GTF2E2: variants seen among roughly 807,000 people sequenced by gnomAD.
The protein encoded by GTF2E2 is general transcription factor IIE subunit 2.
In GTF2E2, 21 loss-of-function variants were observed where a neutral mutation model predicts 40.5. That is an observed-to-expected ratio of 0.52 (90% CI 0.37 to 0.75). The LOEUF (loss-of-function observed/expected upper bound fraction) is 0.75. Ranked by LOEUF, GTF2E2 falls within the 30% of genes least tolerant of loss-of-function variation. The probability of loss-of-function intolerance (pLI) is 0.00; values close to 1 mark genes in which losing one functional copy is unlikely to be tolerated. For synonymous variants in GTF2E2, 117 were observed against 121.6 expected, an observed-to-expected ratio of 0.96 and a Z score of 0.25; for missense variants, 298 against 338.4, an observed-to-expected ratio of 0.88 and a Z score of 0.94.
At chr8:30,647,007 C>CAAAAAAA (rs1554563128) in intron 2 of GTF2E2, among the ~76,000 whole-genome samples, 1 of 75,064 alleles carries the variant, frequency 1.3e-5, no homozygotes, top group Non-Finnish European at 2.9e-5. Flanking sequence ...AAAAAAAAAG[C>CAAAAAAA]AACCGAAAAG....
chr8:30,580,373 C>A lies in GTF2E2; in HGVS notation c.667G>T (p.Val223Phe). The A allele has an allele frequency of 3.8e-6, 6 of 1,583,094 alleles. No individual in the cohort carries two copies. Among genetic ancestry groups the A allele is most frequent in the Non-Finnish European group, 5.2e-6 (6 of 1,151,690 alleles). The change falls in exon 7 of 8, where the codon GTC (valine) becomes TTC (phenylalanine). Residue 223 changes from valine to phenylalanine, a missense_variant. Coordinates refer to ENST00000355904, the MANE Select transcript of GTF2E2 (RefSeq NM_002095.6). The part of the protein sequence containing the change: ...DEEFQKLWRS[V>F]TVDSMDEEKI... Reference sequence around the variant, plus strand: ...TCCTCGTCCATGGAATCTACAGTGACACTCCTCCACAGTTTCTGAAATTCT... The same window carrying A: ...TCCTCGTCCATGGAATCTACAGTGAAACTCCTCCACAGTTTCTGAAATTCT...
At chr8:30,636,482 T>C (rs1015504579) in intron 2 of GTF2E2, among the ~76,000 whole-genome samples, 2 of 152,252 alleles carry the variant, frequency 1.3e-5, no homozygotes, top group Non-Finnish European at 2.9e-5. Flanking sequence ...GAAGTCTTTA[T>C]TGAGTATCCT....
At chr8:30,643,786 C>T (rs1365482413) in intron 2 of GTF2E2, 9 of 151,428 alleles carry the variant, frequency 5.9e-5, no homozygotes, top group Non-Finnish European at 1.3e-4. Flanking sequence ...ATTTTTGAGG[C>T]CCTGCATCTG....
At chr8:30,641,461 C>T (rs1205073111) in intron 2 of GTF2E2, among the ~76,000 whole-genome samples, 1 of 152,210 alleles carries the variant, frequency 6.6e-6, no homozygotes, top group Admixed American at 6.5e-5. Flanking sequence ...CTCCTAGGCT[C>T]AAGCTATCCC....
intron 3 of GTF2E2, among the ~76,000 whole-genome samples, chr8:30,617,866 C>T (rs920932691): frequency 5.3e-5 from 8 of 151,948 alleles, no homozygotes; most frequent in African/African-American, 1.2e-4. Flanking sequence ...AACTAGAATA[C>T]GGGGAAACGC....
intron 7 of GTF2E2, 140 bp from the exon 8 acceptor site, chr8:30,579,177 C>T (rs1828438413): frequency 1.5e-6 from 1 of 669,472 alleles, no homozygotes; most frequent in African/African-American, 1.8e-5. Flanking sequence ...CCCAGCAGCA[C>T]ACATGGGGCA....
chr8:30,614,744 G>T, intron 3 of GTF2E2, 29 bp from the exon 4 acceptor site: 1 of 1,309,538 alleles, frequency 7.6e-7, no homozygotes, highest in Non-Finnish European at 1.1e-6. Flanking sequence ...GTTATTAGAA[G>T]ACAGTTTCAA....
intron 3 of GTF2E2, among the ~76,000 whole-genome samples, chr8:30,625,578 G>A (rs1207849856): frequency 5.9e-5 from 9 of 151,358 alleles, no homozygotes; most frequent in Non-Finnish European, 1.3e-4. Context: ...GTGCAAGTAG[G>A]GCTATGTTCA....
chr8:30,630,893 C>G (rs889560195), intron 3 of GTF2E2, among the ~76,000 whole-genome samples: 4 of 152,140 alleles, frequency 2.6e-5, no homozygotes, highest in Non-Finnish European at 4.4e-5. Context: ...TTTCCTCTAA[C>G]AACCATTCCC....
chr8:30,634,541 A>C (rs1323252054), intron 3 of GTF2E2, among the ~76,000 whole-genome samples: 3 of 152,242 alleles, frequency 2.0e-5, no homozygotes, highest in Admixed American at 6.5e-5. Context: ...CCTTCCATCA[A>C]ACATTAAATT....
chr8:30,639,436 T>C (rs1307906196), intron 2 of GTF2E2, among the ~76,000 whole-genome samples: 1 of 152,220 alleles, frequency 6.6e-6, no homozygotes, highest in African/African-American at 2.4e-5. Flanking sequence ...GAAGTCATTC[T>C]TAAACTGATC....
At chr8:30,602,565 T>C (rs569949177) in intron 6 of GTF2E2, among the ~76,000 whole-genome samples, 1 of 152,214 alleles carries the variant, frequency 6.6e-6, no homozygotes, top group South Asian at 2.1e-4. Context: ...GAGACCAGAC[T>C]GACCAACATG....
At chr8:30,643,474 T>C (rs765965484) in intron 2 of GTF2E2, 3 of 152,088 alleles carry the variant, frequency 2.0e-5, no homozygotes, top group Non-Finnish European at 4.4e-5. Context: ...CTGACCAACA[T>C]GGTAAAACCC....
At chr8:30,639,179 T>C (rs1801719994) in intron 2 of GTF2E2, among the ~76,000 whole-genome samples, 1 of 152,200 alleles carries the variant, frequency 6.6e-6, no homozygotes, top group African/African-American at 2.4e-5. Context: ...ATGCAGAGAA[T>C]GCCAAGAAAT....
intron 2 of GTF2E2, among the ~76,000 whole-genome samples, chr8:30,651,971 G>C (rs972273457): frequency 2.6e-5 from 4 of 152,102 alleles, no homozygotes; most frequent in Admixed American, 1.3e-4. Context: ...TTCAACAGGG[G>C]AAAGATCATC....
chr8:30,583,381 T>C (rs953830475), intron 6 of GTF2E2, among the ~76,000 whole-genome samples: 12 of 147,042 alleles, frequency 8.2e-5, no homozygotes, highest in Non-Finnish European at 1.6e-4. Context: ...CTTCCTTCAG[T>C]TCACTGTTTG....
At chr8:30,657,558 T>C (rs900062674) in intron 1 of GTF2E2, 4 of 152,126 alleles carry the variant, frequency 2.6e-5, no homozygotes, top group African/African-American at 9.7e-5. Context: ...CGTTAAAGTT[T>C]AGGGATCATC....
rs749600660 is a variant in GTF2E2, at chr8:30,653,601, T to C, written c.-3A>G. ...TCTCTCAACAGGCTTGGATCCATAA[T>C]GCTACAAAGAAAAAATAAGTGTCTT... is the stretch of plus-strand genomic sequence containing the variant. On this transcript the variant is annotated splice_region_variant and 5_prime_UTR_variant, in exon 2 of 8. Coordinates refer to ENST00000355904, the MANE Select transcript of GTF2E2 (RefSeq NM_002095.6). 11 of 1,603,952 alleles carry C rather than the reference T, an allele frequency of 6.9e-6. No homozygotes were observed. In the East Asian group the frequency reaches 1.3e-4, roughly 20 times the overall value.
chr8:30,644,977 T>C (rs932509709), intron 2 of GTF2E2, among the ~76,000 whole-genome samples: 1 of 152,032 alleles, frequency 6.6e-6, no homozygotes, highest in Non-Finnish European at 1.5e-5. Context: ...CTTGAACTCC[T>C]GGGCTCAAGT....
Sources: allele counts gnomAD v4.1 joint callset (sites outside exome capture counted in the v4.1 genomes callset), GRCh38; gene constraint gnomAD v4.1.1; transcripts MANE v1.5; gene names NCBI Gene and HGNC (gene_info 2026-07-23, HGNC 2026-07-21).